The following BACE1 variants were observed in gnomAD, a reference collection of about 807,000 sequenced individuals.
The protein encoded by BACE1 is APP beta-secretase.
A neutral mutation model predicts 54.0 loss-of-function variants in BACE1; 21 were observed. The observed-to-expected ratio is 0.39, with a 90% CI of 0.28 to 0.56. The LOEUF is 0.56. Among genes scored for constraint, BACE1 ranks in the 20% least tolerant of loss-of-function variants. The probability of loss-of-function intolerance (pLI) is 0.63; values close to 1 mark genes in which losing one functional copy is unlikely to be tolerated. For synonymous variants in BACE1, 232 were observed against 260.9 expected (o/e 0.89, Z 1.07); for missense variants, 511 against 661.2 (o/e 0.77, Z 2.49).
intron 1 of BACE1, among the ~76,000 whole-genome samples, chr11:117,306,893 G>C (rs999072647): frequency 6.6e-6 from 1 of 152,180 alleles, no homozygotes; most frequent in Non-Finnish European, 1.5e-5. Context: ...CCTACAGTGC[G>C]CAGCAGAGAG....
rs912259305 is a variant in BACE1 at position 117,316,154 on chromosome 11, G to T, written c.-359C>A. 2 of 398,810 alleles carry T rather than the reference G, an allele frequency of 5.0e-6. No individual in the cohort carries two copies. Among genetic ancestry groups the T allele is most frequent in the Non-Finnish European group, 8.8e-6 (2 of 226,480 alleles). The allele number at this position is 398,810 out of a possible 1,614,324, so 24.7% of individuals were successfully genotyped here. A position where few individuals can be genotyped will look rare whatever the true frequency, so the allele number is the denominator to read the frequency against. ...CCGGCGGGCGGCGGCGCGGGCAGGG[G>T]CAAGGGCTCCGGGCTCCTGCGGCTG... is the stretch of plus-strand genomic sequence containing the variant. On this transcript the variant is annotated 5_prime_UTR_variant, in exon 1 of 9. Transcript: ENST00000313005.
chr11:117,309,457 A>G (rs565849181), intron 1 of BACE1, among the ~76,000 whole-genome samples: 2 of 152,076 alleles, frequency 1.3e-5, no homozygotes, highest in Non-Finnish European at 2.9e-5. Flanking sequence ...TCCTCTTTCA[A>G]ATACCTCCGT....
chr11:117,297,032 C>G, intron 1 of BACE1, 71 bp from the exon 2 acceptor site: 2 of 1,131,656 alleles, frequency 1.8e-6, no homozygotes, highest in Non-Finnish European at 2.6e-6. Flanking sequence ...TATTATCCCT[C>G]ACGCCCCAGC....
intron 1 of BACE1, among the ~76,000 whole-genome samples, chr11:117,299,192 A>G (rs1181055465): frequency 6.6e-6 from 1 of 152,074 alleles, no homozygotes; most frequent in Non-Finnish European, 1.5e-5. Flanking sequence ...AGTCTACTAT[A>G]TCCTCACAGG....
chr11:117,300,382 T>C (rs990661744), intron 1 of BACE1, among the ~76,000 whole-genome samples: 2 of 152,192 alleles, frequency 1.3e-5, no homozygotes, highest in African/African-American at 4.8e-5. Context: ...ATTCTGGTCC[T>C]GTCCTTCAGC....
chr11:117,305,038 T>C (rs1489330757), intron 1 of BACE1, among the ~76,000 whole-genome samples: 3 of 150,242 alleles, frequency 2.0e-5, no homozygotes, highest in Non-Finnish European at 4.4e-5. Flanking sequence ...TCTTGGCTCC[T>C]GCCTCAGCCT....
intron 1 of BACE1, among the ~76,000 whole-genome samples, chr11:117,299,226 T>G (rs934658390): frequency 6.6e-6 from 1 of 152,102 alleles, no homozygotes; most frequent in Non-Finnish European, 1.5e-5. Context: ...GGCCCCACCC[T>G]CAGAAAAATG....
chr11:117,307,947 C>A (rs1255791180), intron 1 of BACE1, among the ~76,000 whole-genome samples: 10 of 151,596 alleles, frequency 6.6e-5, no homozygotes, highest in African/African-American at 9.7e-5. Flanking sequence ...TGGTTTTCAA[C>A]CTTTTTATTG....
intron 2 of BACE1, chr11:117,295,728 T>A (rs1591859045): frequency 1.8e-6 from 2 of 1,139,516 alleles, no homozygotes; most frequent in East Asian, 6.1e-5. Flanking sequence ...AACCATTGAC[T>A]CTCTTACTGC....
intron 1 of BACE1, among the ~76,000 whole-genome samples, chr11:117,299,947 C>G (rs542486453): frequency 2.6e-4 from 39 of 152,112 alleles, no homozygotes; most frequent in Non-Finnish European, 4.9e-4. Flanking sequence ...GAGGGAACAT[C>G]CGGCAAGTTC....
chr11:117,294,596 T>C (rs1340505178), intron 3 of BACE1, among the ~76,000 whole-genome samples: 1 of 151,838 alleles, frequency 6.6e-6, no homozygotes, highest in African/African-American at 2.4e-5. Flanking sequence ...TTAAAGATCT[T>C]AGAGTGGCTG....
Position 117,316,004 on chromosome 11 carries a change from G to A in BACE1, c.-209C>T. On this transcript the variant is annotated 5_prime_UTR_variant, in exon 1 of 9. Coordinates refer to ENST00000313005, the MANE Select transcript of BACE1 (RefSeq NM_012104.6). ...AGATCCGCAGAGCACGGGAGCAGGGGAGAGGCTGGGATCCGGAGCCCGCTA... is the reference window on the plus strand; with the variant it reads ...AGATCCGCAGAGCACGGGAGCAGGGAAGAGGCTGGGATCCGGAGCCCGCTA... 4.6e-6 allele frequency: 2 copies of A among 439,076 alleles called. No homozygotes were observed. The highest frequency in any genetic ancestry group is 7.6e-6 in the Non-Finnish European group (2 of 261,736). 27.2% of individuals were successfully genotyped at this position (439,076 alleles called of 1,614,324 possible). A position where few individuals can be genotyped will look rare whatever the true frequency, so the allele number is the denominator to read the frequency against.
At position 117,286,941 on chromosome 11, in the gene BACE1, T is replaced by A. The variant is rs2034280407; in HGVS notation, c.*2625A>T. 6.6e-6 allele frequency: 1 copy of A among 152,548 alleles called. No homozygotes were observed. Among genetic ancestry groups the A allele is most frequent in the Non-Finnish European group, 1.5e-5 (1 of 68,044 alleles). 9.4% of individuals were successfully genotyped at this position (152,548 alleles called of 1,614,324 possible). Reference sequence around the variant, plus strand: ...TTTTGTTTAGGGGATTCGTTTTTTATCTTGTAATCTTAAGATTTCCTCTCC... The same window carrying A: ...TTTTGTTTAGGGGATTCGTTTTTTAACTTGTAATCTTAAGATTTCCTCTCC... On this transcript the variant is annotated 3_prime_UTR_variant, in exon 9 of 9. Transcript: ENST00000313005.
intron 7 of BACE1, 32 bp downstream of exon 7, chr11:117,290,866 AAG>A (rs1323827249): frequency 9.3e-6 from 15 of 1,607,360 alleles, no homozygotes; most frequent in Non-Finnish European, 1.3e-5. Flanking sequence ...GTGTACTTTT[AAG>A]AGAGATCCCC....
intron 1 of BACE1, among the ~76,000 whole-genome samples, chr11:117,303,781 G>C (rs1271323175): frequency 1.6e-4 from 24 of 152,304 alleles, no homozygotes; most frequent in Admixed American, 1.5e-3. Context: ...ATTTTCTTCT[G>C]TGTGGGCCTC....
At chr11:117,313,108 C>G (rs1002139399) in intron 1 of BACE1, among the ~76,000 whole-genome samples, 4 of 152,218 alleles carry the variant, frequency 2.6e-5, no homozygotes, top group Admixed American at 1.3e-4. Flanking sequence ...TTGGCACTTA[C>G]AACAGCCGCG....
chr11:117,315,542 G>T lies in BACE1; in HGVS notation c.254C>A (p.Pro85Gln). The T allele has an allele frequency of 6.3e-7, 1 of 1,582,396 alleles. No homozygotes were observed. The highest frequency in any genetic ancestry group is 8.6e-7 in the Non-Finnish European group (1 of 1,166,598). ...YYVEMTVGSP[P>Q]QTLNILVDTG... is the part of the protein sequence containing the mutation. ...CTGGCCTGACCACCTTACCGTCTGC[G>T]GGGGGCTGCCCACGGTCATCTCCAC... The change falls in exon 1 of 9, where the codon CCG becomes CAG. Residue 85 changes from proline to glutamine, a missense_variant. This residue lies in a region of BACE1 where 407 missense variants were observed against 565.7 expected (regional missense o/e 0.72). Transcript: ENST00000313005. The surrounding 1 kb of genome is among the most constrained non-coding windows in gnomAD (Gnocchi z 5.5).
intron 1 of BACE1, among the ~76,000 whole-genome samples, chr11:117,310,390 C>A (rs1183265278): frequency 1.3e-5 from 2 of 152,072 alleles, no homozygotes; most frequent in African/African-American, 2.4e-5. Context: ...GAGGATACTG[C>A]AAAATAAATA....
chr11:117,315,807 G>C lies in BACE1; in HGVS notation c.-12C>G. The C allele has an allele frequency of 7.2e-7, 1 of 1,397,296 alleles. No homozygotes were observed. Among genetic ancestry groups the C allele is most frequent in the South Asian group, 1.6e-5 (1 of 62,838 alleles). 86.6% of individuals were successfully genotyped at this position (1,397,296 alleles called of 1,614,324 possible). A position where few individuals can be genotyped will look rare whatever the true frequency, so the allele number is the denominator to read the frequency against. ...AGGGCTTGGGCCATGGTGGGCCCCG[G>C]CCTTCGGGCCCTCTGGGCTCGCACT... On this transcript the variant is annotated 5_prime_UTR_variant, in exon 1 of 9. Transcript: ENST00000313005. The surrounding 1 kb of genome is among the most constrained non-coding windows in gnomAD (Gnocchi z 5.5).
Sources: allele counts gnomAD v4.1 joint callset (sites outside exome capture counted in the v4.1 genomes callset), GRCh38; gene constraint gnomAD v4.1.1; regional missense constraint gnomAD v4.1.1; non-coding constraint Gnocchi (gnomAD v3.1); transcripts MANE v1.5; gene names NCBI Gene and HGNC (gene_info 2026-07-23, HGNC 2026-07-21).